Variants in CWH43 observed in about 807,000 individuals in gnomAD.
The protein encoded by CWH43 is PGAP2-interacting protein.
In CWH43, 91 loss-of-function variants were observed where a neutral mutation model predicts 85.7. The ratio of observed to expected loss-of-function variants is 1.06; its 90% confidence interval spans 0.90 to 1.26. CWH43 has a LOEUF of 1.26. Ranked by LOEUF, CWH43 falls within the 50% of genes most tolerant of loss-of-function variation. The probability of loss-of-function intolerance (pLI) is 0.00; values close to 1 mark genes in which losing one functional copy is unlikely to be tolerated. For missense variants in CWH43, 869 were observed against 839.2 expected (o/e 1.04, Z -0.44); for synonymous variants, 323 against 293.6 (o/e 1.10, Z -1.02).
intron 14 of CWH43, among the ~76,000 whole-genome samples, chr4:49,049,760 T>G (rs564449039): frequency 2.0e-5 from 3 of 152,260 alleles, no homozygotes; most frequent in African/African-American, 7.2e-5. Flanking sequence ...CTTCGTTGAA[T>G]TTTTTGCTAT....
At chr4:49,035,387 A>G (rs1475913689) in intron 12 of CWH43, among the ~76,000 whole-genome samples, 2 of 152,232 alleles carry the variant, frequency 1.3e-5, no homozygotes, top group Non-Finnish European at 2.9e-5. Flanking sequence ...GGCAAACACC[A>G]TAATGAAAAT....
intron 9 of CWH43, among the ~76,000 whole-genome samples, chr4:49,017,682 C>A (rs11725397): frequency 5.3e-5 from 8 of 151,622 alleles, no homozygotes; most frequent in Non-Finnish European, 8.8e-5. Context: ...TTTAATTATC[C>A]CATGGTTCTA....
chr4:48,995,516 ATTCTTAC>A (rs1782785318), intron 5 of CWH43, among the ~76,000 whole-genome samples: 1 of 152,196 alleles, frequency 6.6e-6, no homozygotes, highest in Non-Finnish European at 1.5e-5. Context: ...GTAGTGCTGA[ATTCTTAC>A]AATTGAAGGC....
At chr4:49,051,066 G>A (rs1274744889) in intron 15 of CWH43, among the ~76,000 whole-genome samples, 3 of 152,288 alleles carry the variant, frequency 2.0e-5, no homozygotes, top group South Asian at 4.1e-4. Flanking sequence ...GGTTAAAAAA[G>A]TTCACAGCAT....
intron 3 of CWH43, 34 bp downstream of exon 3, chr4:48,991,608 C>G: frequency 6.2e-7 from 1 of 1,602,682 alleles, no homozygotes; most frequent in Non-Finnish European, 8.5e-7. Flanking sequence ...TATAGACAAA[C>G]AAGTATAACC....
At chr4:49,042,640 G>A (rs1249710535) in intron 13 of CWH43, among the ~76,000 whole-genome samples, 11 of 152,108 alleles carry the variant, frequency 7.2e-5, no homozygotes, top group Non-Finnish European at 1.5e-4. Context: ...TTAGAGAAGT[G>A]CAAATTAGAG....
At chr4:49,043,151 G>A (rs2260962) in intron 13 of CWH43, among the ~76,000 whole-genome samples, 88,526 of 152,098 alleles carry the variant, frequency 0.58, 28,922 homozygotes, top group Admixed American at 0.75. Context: ...TCTGCAAAGT[G>A]GTGAGAGTGA....
chr4:49,007,988 G>A (rs1783220980), intron 8 of CWH43, among the ~76,000 whole-genome samples: 1 of 152,190 alleles, frequency 6.6e-6, no homozygotes, highest in Admixed American at 6.5e-5. Context: ...TACATACCCA[G>A]TAATGGGATG....
At chr4:48,990,353 A>G (rs1360120180) in intron 2 of CWH43, among the ~76,000 whole-genome samples, 2 of 152,176 alleles carry the variant, frequency 1.3e-5, no homozygotes, top group African/African-American at 2.4e-5. Flanking sequence ...CCAGGTGACC[A>G]TTGAGCTTTG....
At chr4:49,059,436 A>C (rs946038994) in intron 15 of CWH43, among the ~76,000 whole-genome samples, 1 of 151,966 alleles carries the variant, frequency 6.6e-6, no homozygotes, top group Non-Finnish European at 1.5e-5. Flanking sequence ...TGAATTTTTC[A>C]TTATGCTGTT....
At position 48,986,379 on chromosome 4, in the gene CWH43, C is replaced by A. The variant is rs113109905; in HGVS notation, c.-51C>A. The A allele has an allele frequency of 1.3e-6, 2 of 1,528,636 alleles. No individual in the cohort carries two copies. The highest frequency in any genetic ancestry group is 2.0e-5 in the Admixed American group (1 of 50,298). 94.7% of individuals were successfully genotyped at this position (1,528,636 alleles called of 1,614,324 possible). A position where few individuals can be genotyped will look rare whatever the true frequency, so the allele number is the denominator to read the frequency against. On this transcript the variant is annotated 5_prime_UTR_variant, in exon 1 of 16. Coordinates refer to ENST00000226432, the MANE Select transcript of CWH43 (RefSeq NM_025087.3). The stretch of plus-strand genomic sequence containing the variant: ...ACCTGGGGGCGCAGGGCTAGGGCAG[C>A]GGGCCCGACCCGCACGGCTTTCCTG...
At chr4:49,046,407 T>C (rs1409190080) in intron 14 of CWH43, among the ~76,000 whole-genome samples, 3 of 151,796 alleles carry the variant, frequency 2.0e-5, no homozygotes. Context: ...GGGAATATAA[T>C]AGGAAAAAAA....
chr4:49,020,414 C>CATATAT (rs1187127418), intron 9 of CWH43, among the ~76,000 whole-genome samples: 663 of 57,648 alleles, frequency 0.012, 1 homozygote, highest in Middle Eastern at 0.062. Flanking sequence ...CACACACACA[C>CATATAT]ACATATATAT....
At chr4:49,022,644 T>G (rs1260842141) in intron 9 of CWH43, among the ~76,000 whole-genome samples, 1 of 152,216 alleles carries the variant, frequency 6.6e-6, no homozygotes, top group Non-Finnish European at 1.5e-5. Context: ...TCTTTGAATG[T>G]CTGATAGAAT....
intron 7 of CWH43, among the ~76,000 whole-genome samples, chr4:49,006,779 A>T (rs1783170910): frequency 1.3e-5 from 2 of 152,134 alleles, no homozygotes; most frequent in African/African-American, 4.8e-5. Context: ...GAATTATCAC[A>T]AGCACTGCCA....
At position 49,039,112 on chromosome 4, in the gene CWH43, A is replaced by C. The variant is rs183105570; in HGVS notation, c.1803+932A>C. Reference sequence around the variant, plus strand: ...AAATAAATAAATAATAAATAAATAAAAATTAAAAAAAGAATTGAGAGTAAA... The same window carrying C: ...AAATAAATAAATAATAAATAAATAACAATTAAAAAAAGAATTGAGAGTAAA... On this transcript the variant is annotated intron_variant, in intron 13 of 15. Coordinates refer to ENST00000226432, the MANE Select transcript of CWH43 (RefSeq NM_025087.3). Among the ~76,000 whole-genome samples, 4 of 145,580 alleles carry C rather than the reference A, an allele frequency of 2.7e-5. No homozygotes were observed. The East Asian group carries it at 8.0e-4, about 29-fold the overall frequency.
At position 49,028,737 on chromosome 4, in the gene CWH43, A is replaced by G; in HGVS notation, c.1372+3A>G. ...AGCTCACCTGCTCAATGAAACAGGT[A>G]AGTCTTCCTGGAATTAGTTCCAGGT... On this transcript the variant is annotated splice_donor_region_variant and intron_variant, in intron 10 of 15. Coordinates refer to ENST00000226432, the MANE Select transcript of CWH43 (RefSeq NM_025087.3). The G allele has an allele frequency of 1.3e-6, 2 of 1,570,040 alleles. No homozygotes were observed. The highest frequency in any genetic ancestry group is 2.2e-5 in the East Asian group (1 of 44,638).
chr4:49,008,236 T>G (rs762593950), intron 8 of CWH43, among the ~76,000 whole-genome samples: 19 of 152,234 alleles, frequency 1.2e-4, no homozygotes, highest in Non-Finnish European at 2.4e-4. Context: ...TGATGAGCAT[T>G]TTTTCATGTG....
chr4:49,048,577 C>A (rs1210936138), intron 14 of CWH43, among the ~76,000 whole-genome samples: 2 of 151,892 alleles, frequency 1.3e-5, no homozygotes, highest in Non-Finnish European at 2.9e-5. Context: ...TTAGGACTGT[C>A]CCCTTGGGTT....
Sources: allele counts gnomAD v4.1 joint callset (sites outside exome capture counted in the v4.1 genomes callset), GRCh38; gene constraint gnomAD v4.1.1; transcripts MANE v1.5; gene names NCBI Gene and HGNC (gene_info 2026-07-23, HGNC 2026-07-21).